UGT1A4: variants seen among roughly 807,000 people sequenced by gnomAD.
UGT1A4 encodes the protein UDP-glucuronosyltransferase 1A4.
A neutral mutation model predicts 41.1 loss-of-function variants in UGT1A4; 32 were observed. That is an observed-to-expected ratio of 0.78 (90% CI 0.59 to 1.05). The LOEUF (loss-of-function observed/expected upper bound fraction) is 1.05, where lower values mean the gene tolerates loss of function less well. UGT1A4 is among the 50% of genes least tolerant of loss of function. The probability of loss-of-function intolerance (pLI) is 0.00; values close to 1 mark genes in which losing one functional copy is unlikely to be tolerated. For missense variants in UGT1A4, 748 were observed against 677.4 expected (o/e 1.10, Z -1.16); for synonymous variants, 283 against 265.1 (o/e 1.07, Z -0.66).
chr2:233,754,446 C>A, intron 1 of UGT1A4: 1 of 350,362 alleles, frequency 2.9e-6, no homozygotes, highest in Non-Finnish European at 5.6e-6. Context: ...TTTATAAATT[C>A]TTGGGTACAG....
chr2:233,772,282 G>T lies in UGT1A4; in HGVS notation c.1328G>T (p.Arg443Leu), dbSNP rs748166510. 6.2e-7 allele frequency: 1 copy of T among 1,614,194 alleles called. No homozygotes were observed. Among genetic ancestry groups the T allele is most frequent in the Non-Finnish European group, 8.5e-7 (1 of 1,180,040 alleles). The change falls in exon 5 of 5, where the codon CGC becomes CTC. Residue 443 changes from arginine (R) to leucine (L), a missense_variant. By Grantham distance (102) the Arg-to-Leu change is moderately radical. Transcript: ENST00000373409. ...TTTAGTTACAAGGAGAACATCATGC[G>T]CCTCTCCAGCCTTCACAAGGACCGC... ...NDKSYKENIM[R>L]LSSLHKDRPV...
At chr2:233,735,613 C>G (rs2078673556) in intron 1 of UGT1A4, among the ~76,000 whole-genome samples, 1 of 152,148 alleles carries the variant, frequency 6.6e-6, no homozygotes, top group African/African-American at 2.4e-5. Context: ...CATCGATAGT[C>G]TTTACAATTT....
rs115840798 is a variant in UGT1A4 at position 233,736,595 on chromosome 2, C to T, written c.867+16908C>T. Among the ~76,000 whole-genome samples, 665 of 152,242 alleles carry T rather than the reference C, an allele frequency of 4.4e-3. 8 individuals are homozygous for T. The highest frequency in any genetic ancestry group is 0.015 in the African/African-American group (625 of 41,542). ...ATCCTTTGGAGGAGATGTGCTTATG[C>T]GCTATGGTTTTTAGAATTTTCAGCT... is the stretch of plus-strand genomic sequence containing the variant. On this transcript the variant is annotated intron_variant, in intron 1 of 4. Transcript: ENST00000373409.
At chr2:233,746,459 A>G (rs1222925950) in intron 1 of UGT1A4, among the ~76,000 whole-genome samples, 1 of 151,694 alleles carries the variant, frequency 6.6e-6, no homozygotes, top group African/African-American at 2.4e-5. Flanking sequence ...GTACCTTCAA[A>G]AGGGTTCCAG....
intron 1 of UGT1A4, chr2:233,755,246 CAGCACCTCGTAGT>C (rs1394904352): frequency 2.4e-6 from 2 of 850,962 alleles, no homozygotes; most frequent in Non-Finnish European, 3.5e-6. Flanking sequence ...GGGGTACTCC[CAGCACCTCGTAGT>C]AGTCCACTAT....
At chr2:233,739,348 G>A (rs1455435875) in intron 1 of UGT1A4, among the ~76,000 whole-genome samples, 7 of 152,152 alleles carry the variant, frequency 4.6e-5, no homozygotes, top group Admixed American at 4.6e-4. Context: ...GAACCCAGAA[G>A]GGCAGATCCA....
At chr2:233,745,083 C>T (rs1426787719) in intron 1 of UGT1A4, among the ~76,000 whole-genome samples, 3 of 151,660 alleles carry the variant, frequency 2.0e-5, no homozygotes, top group East Asian at 3.8e-4. Flanking sequence ...TTTTTCATTG[C>T]TCTTCCCCCC....
chr2:233,761,935 G>A (rs1036526239), intron 1 of UGT1A4, among the ~76,000 whole-genome samples: 1 of 152,192 alleles, frequency 6.6e-6, no homozygotes, highest in African/African-American at 2.4e-5. Context: ...GCACTTCCCA[G>A]GTGCTGCGTC....
intron 1 of UGT1A4, chr2:233,756,307 C>T (rs1373805537): frequency 6.6e-6 from 1 of 152,200 alleles, no homozygotes; most frequent in Non-Finnish European, 1.5e-5. Context: ...ATATAACCTA[C>T]CCATATCCTC....
chr2:233,720,855 G>A (rs1361240386), intron 1 of UGT1A4, among the ~76,000 whole-genome samples: 4 of 149,664 alleles, frequency 2.7e-5, no homozygotes, highest in Non-Finnish European at 5.9e-5. Flanking sequence ...GCAGGCATGT[G>A]CCACTGCTCC....
At chr2:233,765,774 T>C (rs944173037) in intron 1 of UGT1A4, among the ~76,000 whole-genome samples, 1 of 152,060 alleles carries the variant, frequency 6.6e-6, no homozygotes, top group Non-Finnish European at 1.5e-5. Context: ...GGGGGATTCA[T>C]TGGACCACTG....
intron 1 of UGT1A4, among the ~76,000 whole-genome samples, chr2:233,720,449 T>C (rs1240396680): frequency 6.6e-6 from 1 of 152,106 alleles, no homozygotes; most frequent in East Asian, 1.9e-4. Context: ...ATAAGCCCAG[T>C]GAAGCTGGGA....
chr2:233,757,545 T>TAC (rs1696610377), intron 1 of UGT1A4, among the ~76,000 whole-genome samples: 1 of 65,910 alleles, frequency 1.5e-5, no homozygotes, highest in African/African-American at 6.3e-5. Flanking sequence ...AATATATATA[T>TAC]ATATATATAT....
Position 233,772,755 on chromosome 2 carries a change from G to A in UGT1A4, c.*196G>A, listed in dbSNP as rs997044425. On this transcript the variant is annotated 3_prime_UTR_variant, in exon 5 of 5. Transcript: ENST00000373409. Reference sequence around the variant, plus strand: ...CTAGTCAGTAAAGATATTTGAATATGTATCGTGCCCCCTCTGGTGTCTTTG... The same window carrying A: ...CTAGTCAGTAAAGATATTTGAATATATATCGTGCCCCCTCTGGTGTCTTTG... 9 of 1,407,806 alleles carry A rather than the reference G, an allele frequency of 6.4e-6. No homozygotes were observed. The African/African-American group carries it at 1.3e-4, about 20-fold the overall frequency. The allele number at this position is 1,407,806 out of a possible 1,614,324, so 87.2% of individuals were successfully genotyped here.
Position 233,767,071 on chromosome 2 carries a change from G to C in UGT1A4, c.905G>C (p.Gly302Ala). 1 of 1,614,098 alleles carries C rather than the reference G, an allele frequency of 6.2e-7. No homozygotes were observed. The highest frequency in any genetic ancestry group is 8.5e-7 in the Non-Finnish European group (1 of 1,180,012). ...TACATTAATGCTTCTGGAGAACATG[G>C]AATTGTGGTTTTCTCTTTGGGATCA... The part of the protein sequence containing the change: ...EAYINASGEH[G>A]IVVFSLGSMV... The change falls in exon 2 of 5, where the codon GGA (glycine) becomes GCA (alanine). Residue 302 changes from glycine (G) to alanine (A), a missense_variant. Gly to Ala is a moderately conservative substitution (Grantham distance 60). Coordinates refer to ENST00000373409, the MANE Select transcript of UGT1A4 (RefSeq NM_007120.3).
chr2:233,767,044 C>T lies in UGT1A4; in HGVS notation c.878C>T (p.Ala293Val), dbSNP rs758873309. The T allele has an allele frequency of 6.2e-7, 1 of 1,613,992 alleles. No individual in the cohort carries two copies. The highest frequency in any genetic ancestry group is 1.1e-5 in the South Asian group (1 of 91,046). ...TTCTTCTGGCTCTAGGAATTTGAAG[C>T]CTACATTAATGCTTCTGGAGAACAT... ...NGKPLSQEFE[A>V]YINASGEHGI... is the part of the protein sequence containing the mutation. The change falls in exon 2 of 5, where the codon GCC becomes GTC. Residue 293 changes from alanine to valine, a missense_variant. Ala to Val is a moderately conservative substitution (Grantham distance 64). Coordinates refer to ENST00000373409, the MANE Select transcript of UGT1A4 (RefSeq NM_007120.3).
chr2:233,744,013 C>G, intron 1 of UGT1A4: 1 of 1,057,576 alleles, frequency 9.5e-7, no homozygotes. Flanking sequence ...ACCTGGGCCG[C>G]CTGGAGAGAC....
At chr2:233,736,991 G>A (rs1181891962) in intron 1 of UGT1A4, among the ~76,000 whole-genome samples, 1 of 152,206 alleles carries the variant, frequency 6.6e-6, no homozygotes, top group Non-Finnish European at 1.5e-5. Flanking sequence ...GATACACAGA[G>A]GTCAGGGACC....
At chr2:233,730,735 G>A (rs1037091205) in intron 1 of UGT1A4, among the ~76,000 whole-genome samples, 2 of 152,096 alleles carry the variant, frequency 1.3e-5, no homozygotes, top group African/African-American at 2.4e-5. Flanking sequence ...ATGGCGGAAG[G>A]GGCTAGGGAG....
Sources: gnomAD v4.1 joint callset for allele counts (sites outside exome capture counted in the v4.1 genomes callset) on GRCh38, gnomAD v4.1.1 for gene constraint, MANE v1.5 for transcripts, NCBI Gene and HGNC (gene_info 2026-07-23, HGNC 2026-07-21) for gene names.